Variants in HTR2C observed in about 807,000 individuals in gnomAD.
HTR2C encodes 5-hydroxytryptamine (serotonin) receptor 2C, G protein-coupled.
HTR2C carries 5 observed loss-of-function variants against 21.0 expected under a neutral mutation model. The observed-to-expected ratio is 0.24, with a 90% CI of 0.12 to 0.50. HTR2C has a LOEUF of 0.50. Ranked by LOEUF, HTR2C falls within the 20% of genes least tolerant of loss-of-function variation. HTR2C has a pLI of 0.98. For missense variants in HTR2C, 271 were observed against 371.2 expected, an observed-to-expected ratio of 0.73 and a Z score of 2.22; for synonymous variants, 150 against 145.3, an observed-to-expected ratio of 1.03 and a Z score of -0.23.
chrX:114,731,268 T>G, intron 3 of HTR2C, 26 bp from the exon 4 acceptor site: 1 of 1,092,429 alleles, frequency 9.2e-7, no homozygotes, highest in Non-Finnish European at 1.2e-6. Flanking sequence ...ATGTACCTGA[T>G]TGTTTTTTTT....
At chrX:114,701,259 C>G (rs782815333) in intron 2 of HTR2C, among the ~76,000 whole-genome samples, 1 of 112,218 alleles carries the variant, frequency 8.9e-6, no homozygotes, top group South Asian at 3.7e-4. Context: ...ACTGCCTCCT[C>G]AAGTGGGTCC....
chrX:114,847,874 T>G, intron 4 of HTR2C, 129 bp from the exon 5 acceptor site: 1 of 481,313 alleles, frequency 2.1e-6, no homozygotes. Flanking sequence ...CTATAGAAAA[T>G]AATGCTTCCT....
intron 2 of HTR2C, among the ~76,000 whole-genome samples, chrX:114,722,355 C>T (rs1451454398): frequency 9.0e-6 from 1 of 111,198 alleles, no homozygotes; most frequent in East Asian, 2.8e-4. Context: ...GATTTTTGCA[C>T]ATTGATTTTG....
At chrX:114,855,359 G>A (rs1196731431) in intron 5 of HTR2C, among the ~76,000 whole-genome samples, 3 of 110,865 alleles carry the variant, frequency 2.7e-5, no homozygotes, top group African/African-American at 6.5e-5. Flanking sequence ...TTGGTTCACC[G>A]AGTTACACAT....
At position 114,693,488 on chromosome X, in the gene HTR2C, G is replaced by A. The variant is rs112490206; in HGVS notation, c.-79-33370G>A. ...GATAAATAAAAAGAGATTAAGTCAT[G>A]GACAAGGTATAGCTAGACCAGGGTT... is the stretch of plus-strand genomic sequence containing the variant. On this transcript the variant is annotated intron_variant, in intron 2 of 5. Coordinates refer to ENST00000276198, the MANE Select transcript of HTR2C (RefSeq NM_000868.4). Among the ~76,000 whole-genome samples the A allele has an allele frequency of 4.1e-3, 457 of 111,619 alleles. 4 individuals carry two copies. Among genetic ancestry groups the A allele is most frequent in the African/African-American group, 0.014 (429 of 30,781 alleles).
At chrX:114,739,272 T>A in intron 4 of HTR2C, among the ~76,000 whole-genome samples, 1 of 111,757 alleles carries the variant, frequency 8.9e-6, no homozygotes, top group Non-Finnish European at 1.9e-5. Flanking sequence ...CCACTTAACA[T>A]TTTGCTGTAG....
At chrX:114,886,397 A>G (rs1180843627) in intron 5 of HTR2C, among the ~76,000 whole-genome samples, 8 of 110,276 alleles carry the variant, frequency 7.3e-5, no homozygotes, top group African/African-American at 2.6e-4. Flanking sequence ...TTTTGTTTCT[A>G]TATGTCTCAT....
intron 4 of HTR2C, among the ~76,000 whole-genome samples, chrX:114,764,037 G>A (rs1556433444): frequency 9.0e-6 from 1 of 111,534 alleles, no homozygotes; most frequent in Non-Finnish European, 1.9e-5. Flanking sequence ...CCTGATTTTT[G>A]TTCTTATATC....
At chrX:114,757,013 T>G (rs1247744048) in intron 4 of HTR2C, among the ~76,000 whole-genome samples, 2 of 111,449 alleles carry the variant, frequency 1.8e-5, no homozygotes, top group African/African-American at 6.5e-5. Flanking sequence ...CAGGAGACCT[T>G]GATCTCTCTA....
At chrX:114,704,090 C>A (rs1932671523) in intron 2 of HTR2C, among the ~76,000 whole-genome samples, 2 of 111,415 alleles carry the variant, frequency 1.8e-5, no homozygotes, top group African/African-American at 6.5e-5. Flanking sequence ...CAAAAAGAGT[C>A]CAGGACCAGA....
At chrX:114,802,682 G>GGTTC (rs2070357582) in intron 4 of HTR2C, among the ~76,000 whole-genome samples, 8 of 76,227 alleles carry the variant, frequency 1.0e-4, no homozygotes, top group Non-Finnish European at 1.8e-4. Flanking sequence ...GCTATGCTTA[G>GGTTC]ATTCTTTCTT....
chrX:114,715,143 AC>A (rs1556419607), intron 2 of HTR2C: 2 of 251,193 alleles, frequency 8.0e-6, no homozygotes, highest in African/African-American at 5.7e-5. Context: ...AAAACCAGAA[AC>A]TGACCCTTCA....
At chrX:114,655,696 G>T (rs1556409169) in intron 2 of HTR2C, among the ~76,000 whole-genome samples, 1 of 110,936 alleles carries the variant, frequency 9.0e-6, no homozygotes, top group African/African-American at 3.3e-5. Flanking sequence ...GGGCTGGTGG[G>T]GCTACACACT....
chrX:114,825,966 C>A (rs1206991543), intron 4 of HTR2C, among the ~76,000 whole-genome samples: 1 of 111,503 alleles, frequency 9.0e-6, no homozygotes, highest in Non-Finnish European at 1.9e-5. Context: ...TATAAAAATT[C>A]TAGCATTTGT....
At chrX:114,739,289 GTCAA>G (rs2069621630) in intron 4 of HTR2C, among the ~76,000 whole-genome samples, 2 of 111,580 alleles carry the variant, frequency 1.8e-5, no homozygotes, top group African/African-American at 6.5e-5. Context: ...GTAGATATTA[GTCAA>G]TGCAGTTAGA....
intron 2 of HTR2C, among the ~76,000 whole-genome samples, chrX:114,665,609 A>G (rs1931146705): frequency 8.9e-6 from 1 of 112,381 alleles, no homozygotes; most frequent in South Asian, 3.7e-4. Context: ...CTTACAATAA[A>G]GTAAGCTAGG....
intron 4 of HTR2C, among the ~76,000 whole-genome samples, chrX:114,833,433 G>A (rs2070748718): frequency 9.0e-6 from 1 of 111,015 alleles, no homozygotes; most frequent in African/African-American, 3.3e-5. Context: ...TCTTGTGAGA[G>A]TGTATGTGTC....
intron 2 of HTR2C, among the ~76,000 whole-genome samples, chrX:114,669,752 T>C (rs62593092): frequency 0.1 from 11,538 of 111,798 alleles, 612 homozygotes; most frequent in Middle Eastern, 0.22. Flanking sequence ...AAACTAGGGG[T>C]GTTTTATACT....
rs950890282 is a variant in HTR2C at position 114,862,174 on chromosome X, G to C, written c.550+13971G>C. On this transcript the variant is annotated intron_variant, in intron 5 of 5. Coordinates refer to ENST00000276198, the MANE Select transcript of HTR2C (RefSeq NM_000868.4). Reference sequence around the variant, plus strand: ...GATTTTTGTGCATGATGTCAGATAAGGGTCAAATTTCATTCTTTTGCATAT... The same window carrying C: ...GATTTTTGTGCATGATGTCAGATAACGGTCAAATTTCATTCTTTTGCATAT... Among the ~76,000 whole-genome samples, 3 of 110,901 alleles carry C rather than the reference G, an allele frequency of 2.7e-5. No homozygotes were observed. The Admixed American group carries it at 2.9e-4, about 11-fold the overall frequency.
Sources: gnomAD v4.1 joint callset for allele counts (sites outside exome capture counted in the v4.1 genomes callset) on GRCh38, gnomAD v4.1.1 for gene constraint, MANE v1.5 for transcripts, NCBI Gene and HGNC (gene_info 2026-07-23, HGNC 2026-07-21) for gene names.